Variants in MLIP observed in about 807,000 individuals in gnomAD.
MLIP encodes muscular LMNA interacting protein.
MLIP carries 79 observed loss-of-function variants against 84.8 expected under a neutral mutation model. The observed-to-expected ratio is 0.93, with a 90% CI of 0.78 to 1.12. The LOEUF (loss-of-function observed/expected upper bound fraction) is 1.12, where lower values mean the gene tolerates loss of function less well. Among genes scored for constraint, MLIP ranks in the 50% most tolerant of loss-of-function variants. The probability of loss-of-function intolerance (pLI) is 0.00; values close to 1 mark genes in which losing one functional copy is unlikely to be tolerated. For missense variants in MLIP, 1,257 were observed against 1,160.6 expected (o/e 1.08, Z -1.21); for synonymous variants, 504 against 463.0 (o/e 1.09, Z -1.14).
rs1479719885 is a variant in MLIP, at chr6:54,056,009, T to A, written c.63+36918T>A. On this transcript the variant is annotated intron_variant, in intron 1 of 12. Transcript: ENST00000274897. Reference sequence around the variant, plus strand: ...CACTTTACATATTTATATATTTTTTTAATATTTTAAAACTTCTCTACGACA... The same window carrying A: ...CACTTTACATATTTATATATTTTTTAAATATTTTAAAACTTCTCTACGACA... Among the ~76,000 whole-genome samples, 9 of 152,188 alleles carry A rather than the reference T, an allele frequency of 5.9e-5. No individual in the cohort carries two copies. In the East Asian group the frequency reaches 1.5e-3, roughly 26 times the overall value.
chr6:54,202,286 T>C, intron 11 of MLIP, 53 bp downstream of exon 11: 2 of 823,410 alleles, frequency 2.4e-6, no homozygotes, highest in Non-Finnish European at 3.0e-6. Flanking sequence ...TAAATATATA[T>C]AAAATATATA....
intron 11 of MLIP, among the ~76,000 whole-genome samples, chr6:54,223,903 T>C (rs934749360): frequency 5.3e-5 from 8 of 152,112 alleles, no homozygotes; most frequent in South Asian, 4.1e-4. Flanking sequence ...CTATTAGAAC[T>C]GATAAGATAT....
At chr6:54,048,423 G>T (rs746073669) in intron 1 of MLIP, among the ~76,000 whole-genome samples, 1 of 152,160 alleles carries the variant, frequency 6.6e-6, no homozygotes, top group Non-Finnish European at 1.5e-5. Flanking sequence ...GAGAGCAGAG[G>T]TTATTCAGAG....
At chr6:54,073,070 C>G (rs1244223592) in intron 1 of MLIP, among the ~76,000 whole-genome samples, 1 of 152,168 alleles carries the variant, frequency 6.6e-6, no homozygotes, top group African/African-American at 2.4e-5. Context: ...CCTTTTCTGT[C>G]TGATGGGACC....
intron 1 of MLIP, among the ~76,000 whole-genome samples, chr6:54,045,216 C>G (rs555746886): frequency 6.6e-6 from 1 of 151,966 alleles, no homozygotes; most frequent in South Asian, 2.1e-4. Context: ...GGCATGGTGG[C>G]GGGCACCTGT....
intron 9 of MLIP, among the ~76,000 whole-genome samples, chr6:54,181,874 T>G (rs9474754): frequency 6.6e-6 from 1 of 152,160 alleles, no homozygotes; most frequent in Non-Finnish European, 1.5e-5. Flanking sequence ...GATGAGCTGA[T>G]CTCCAGGATG....
intron 9 of MLIP, among the ~76,000 whole-genome samples, chr6:54,188,046 C>T (rs1777568387): frequency 6.6e-6 from 1 of 152,070 alleles, no homozygotes; most frequent in Non-Finnish European, 1.5e-5. Context: ...GTTGGTATAG[C>T]CCACTAATAG....
intron 11 of MLIP, among the ~76,000 whole-genome samples, chr6:54,230,000 GTTCCTAC>G (rs1419456536): frequency 6.6e-6 from 1 of 152,064 alleles, no homozygotes; most frequent in Non-Finnish European, 1.5e-5. Flanking sequence ...TCATGTAGTA[GTTCCTAC>G]TTCCTCAAAG....
intron 1 of MLIP, among the ~76,000 whole-genome samples, chr6:54,117,211 C>CTTTTT (rs200691416): frequency 2.0e-4 from 24 of 117,816 alleles, no homozygotes; most frequent in South Asian, 3.1e-4. Flanking sequence ...CTATTTCTGT[C>CTTTTT]TTTTTTTTTT....
At position 54,103,556 on chromosome 6, in the gene MLIP, A is replaced by G. The variant is rs554633629; in HGVS notation, c.64-17891A>G. Among the ~76,000 whole-genome samples the G allele has an allele frequency of 3.3e-4, 50 of 152,258 alleles. 1 individual carries two copies. The South Asian group carries it at 0.01, about 32-fold the overall frequency. ...CTCTGATCTAAAGCCCATGCTCTCA[A>G]CTGTGTATTGCACACACAATTTGTT... On this transcript the variant is annotated intron_variant, in intron 1 of 12. Transcript: ENST00000274897.
At chr6:54,115,252 T>A (rs140198421) in intron 1 of MLIP, among the ~76,000 whole-genome samples, 7 of 152,206 alleles carry the variant, frequency 4.6e-5, no homozygotes, top group Non-Finnish European at 1.0e-4. Context: ...TTAGACTTAG[T>A]GAGGGCTGTA....
intron 5 of MLIP, among the ~76,000 whole-genome samples, chr6:54,156,105 T>C (rs1273124783): frequency 6.6e-6 from 1 of 152,106 alleles, no homozygotes; most frequent in African/African-American, 2.4e-5. Context: ...TTCTTACTAA[T>C]GGAGATTTAA....
upstream of MLIP, among the ~76,000 whole-genome samples, chr6:54,109,711 CAA>C (rs1296107646): frequency 6.6e-6 from 1 of 152,026 alleles, no homozygotes; most frequent in Non-Finnish European, 1.5e-5. Flanking sequence ...CTTTGCTACT[CAA>C]AGTGTAACAC....
intron 1 of MLIP, among the ~76,000 whole-genome samples, chr6:54,077,752 A>G (rs984936189): frequency 8.5e-5 from 13 of 152,324 alleles, no homozygotes; most frequent in African/African-American, 2.6e-4. Context: ...TACCACTTAT[A>G]AAGTTTGCAA....
upstream of MLIP, among the ~76,000 whole-genome samples, chr6:54,109,909 TTTTCTTTC>T (rs796941191): frequency 2.7e-5 from 3 of 112,654 alleles, no homozygotes; most frequent in Non-Finnish European, 5.7e-5. Context: ...CTTTCTTTCT[TTTTCTTTC>T]TTTCTTTCTT....
Position 54,083,386 on chromosome 6 carries a change from C to G in MLIP, c.64-38061C>G. 3.1e-6 allele frequency: 4 copies of G among 1,276,728 alleles called. No individual in the cohort carries two copies. In the South Asian group the frequency reaches 5.9e-5, roughly 19 times the overall value. The allele number at this position is 1,276,728 out of a possible 1,614,324, so 79.1% of individuals were successfully genotyped here. A position where few individuals can be genotyped will look rare whatever the true frequency, so the allele number is the denominator to read the frequency against. On this transcript the variant is annotated intron_variant, in intron 1 of 12. Coordinates refer to the MLIP transcript ENST00000274897. ...TGAAATAACAGATGCATTGCTATTT[C>G]CAGTCCAGAGTTGTTGGGGAAGCAG... is the stretch of plus-strand genomic sequence containing the variant.
intron 1 of MLIP, among the ~76,000 whole-genome samples, chr6:54,021,211 A>G (rs116814661): frequency 0.012 from 1,845 of 152,312 alleles, 37 homozygotes; most frequent in African/African-American, 0.041. Context: ...TGTGGAGTTC[A>G]CTATTTTCTG....
At chr6:54,146,971 T>C (rs1772907764) in intron 4 of MLIP, among the ~76,000 whole-genome samples, 1 of 152,204 alleles carries the variant, frequency 6.6e-6, no homozygotes. Flanking sequence ...TCAGTTTCCA[T>C]ATATAAAATG....
intron 4 of MLIP, among the ~76,000 whole-genome samples, chr6:54,145,360 G>A (rs776554559): frequency 3.3e-5 from 5 of 152,088 alleles, no homozygotes; most frequent in Non-Finnish European, 7.4e-5. Context: ...GAACCCAGAG[G>A]AAAAACAGTG....
Sources: gnomAD v4.1 joint callset for allele counts (sites outside exome capture counted in the v4.1 genomes callset) on GRCh38, gnomAD v4.1.1 for gene constraint, MANE v1.5 for transcripts, NCBI Gene and HGNC (gene_info 2026-07-23, HGNC 2026-07-21) for gene names.